The following SMARCC1 variants were observed in gnomAD, a reference collection of about 807,000 sequenced individuals.
The protein encoded by SMARCC1 is SWI/SNF complex subunit SMARCC1.
In SMARCC1, 43 loss-of-function variants were observed where a neutral mutation model predicts 147.4. The observed-to-expected ratio is 0.29, with a 90% CI of 0.23 to 0.38. The LOEUF is 0.38. Among genes scored for constraint, SMARCC1 ranks in the 10% least tolerant of loss-of-function variants. The probability of loss-of-function intolerance (pLI) is 1.00; values close to 1 mark genes in which losing one functional copy is unlikely to be tolerated. For missense variants in SMARCC1, 1,119 were observed against 1,381.1 expected (o/e 0.81, Z 3.01); for synonymous variants, 495 against 484.4 (o/e 1.02, Z -0.29).
At chr3:47,764,999 C>T (rs942391044) in intron 2 of SMARCC1, among the ~76,000 whole-genome samples, 1 of 152,196 alleles carries the variant, frequency 6.6e-6, no homozygotes, top group African/African-American at 2.4e-5. Context: ...CGCCTGTAAT[C>T]CCAGCACTTT....
At chr3:47,749,482 G>A (rs976581628) in intron 2 of SMARCC1, among the ~76,000 whole-genome samples, 1 of 151,606 alleles carries the variant, frequency 6.6e-6, no homozygotes, top group Non-Finnish European at 1.5e-5. Flanking sequence ...GCAACATAGC[G>A]AAACCTCATC....
intron 16 of SMARCC1, among the ~76,000 whole-genome samples, chr3:47,677,444 C>T (rs1386630838): frequency 6.7e-6 from 1 of 149,230 alleles, no homozygotes. Flanking sequence ...GGGCGCAGAG[C>T]TTATCCACTC....
At chr3:47,617,172 C>G (rs1044484221) in intron 25 of SMARCC1, among the ~76,000 whole-genome samples, 1 of 152,170 alleles carries the variant, frequency 6.6e-6, no homozygotes, top group African/African-American at 2.4e-5. Context: ...GCTGAACAAA[C>G]AGGTTTGAGA....
At chr3:47,671,173 C>CAAAAAAAAA (rs775759680) in intron 18 of SMARCC1, among the ~76,000 whole-genome samples, 17 of 29,234 alleles carry the variant, frequency 5.8e-4, no homozygotes, top group African/African-American at 1.3e-3. Flanking sequence ...GAGACTATCT[C>CAAAAAAAAA]AAAAAAAAAA....
intron 22 of SMARCC1, among the ~76,000 whole-genome samples, chr3:47,637,437 C>A (rs1478784997): frequency 1.3e-5 from 2 of 152,126 alleles, no homozygotes; most frequent in South Asian, 2.1e-4. Context: ...AGAGGCTGGG[C>A]GTGGTGGCTC....
intron 24 of SMARCC1, among the ~76,000 whole-genome samples, chr3:47,626,619 T>C (rs1283478379): frequency 6.6e-6 from 1 of 152,208 alleles, no homozygotes; most frequent in Non-Finnish European, 1.5e-5. Flanking sequence ...GAGTGGATAC[T>C]TTCCTGGGTA....
At chr3:47,702,703 A>T (rs1036664645) in intron 10 of SMARCC1, among the ~76,000 whole-genome samples, 11 of 152,190 alleles carry the variant, frequency 7.2e-5, no homozygotes. Context: ...AGCTCAAGTG[A>T]TCCTCCTGCC....
intron 25 of SMARCC1, 50 bp downstream of exon 25, chr3:47,622,157 T>C: frequency 1.9e-6 from 3 of 1,538,776 alleles, no homozygotes; most frequent in Non-Finnish European, 2.7e-6. Flanking sequence ...TTGTGAAAAG[T>C]GACCAAGGTT....
intron 2 of SMARCC1, among the ~76,000 whole-genome samples, chr3:47,771,847 C>T (rs925527771): frequency 5.3e-5 from 8 of 151,768 alleles, no homozygotes; most frequent in Non-Finnish European, 1.2e-4. Flanking sequence ...TTTGGGAGGC[C>T]GAGGTGGGTG....
intron 6 of SMARCC1, among the ~76,000 whole-genome samples, chr3:47,724,161 AAAAT>A (rs2034270202): frequency 6.6e-6 from 1 of 152,232 alleles, no homozygotes; most frequent in Admixed American, 6.5e-5. Flanking sequence ...GTATATGCCC[AAAAT>A]AAAGTAGGAT....
intron 21 of SMARCC1, 34 bp from the exon 22 acceptor site, chr3:47,638,814 T>A: frequency 6.7e-7 from 1 of 1,494,516 alleles, no homozygotes; most frequent in South Asian, 1.1e-5. Context: ...AGTACTCCAA[T>A]GTGGAAAAAG....
Position 47,633,761 on chromosome 3 carries a change from A to AT in SMARCC1, c.2646+1428_2646+1429insA, listed in dbSNP as rs1303845108. On this transcript the variant is annotated intron_variant, in intron 24 of 27. Coordinates refer to ENST00000254480, the MANE Select transcript of SMARCC1 (RefSeq NM_003074.4). ...TGTCTCAAAAAAAAAAAAAAAAAAA[A>AT]AAATATATATATATATATACACACA... Among the ~76,000 whole-genome samples, 16 of 31,526 alleles carry AT rather than the reference A, an allele frequency of 5.1e-4. 1 individual carries two copies. The highest frequency in any genetic ancestry group is 2.1e-3 in the East Asian group (1 of 472). The allele number at this position is 31,526 out of a possible 152,430, so 20.7% of individuals were successfully genotyped here.
chr3:47,590,566 G>T, intron 27 of SMARCC1, 95 bp downstream of exon 27: 5 of 1,124,700 alleles, frequency 4.4e-6, no homozygotes, highest in Non-Finnish European at 6.0e-6. Flanking sequence ...CCATGGACCT[G>T]CCAAATCTCG....
intron 2 of SMARCC1, among the ~76,000 whole-genome samples, chr3:47,770,667 A>G (rs2034902064): frequency 6.6e-6 from 1 of 152,142 alleles, no homozygotes; most frequent in Non-Finnish European, 1.5e-5. Flanking sequence ...CCCCGTCTCT[A>G]TCTTTATAAA....
intron 26 of SMARCC1, among the ~76,000 whole-genome samples, chr3:47,609,199 A>C (rs1248178270): frequency 6.6e-6 from 1 of 152,166 alleles, no homozygotes; most frequent in Non-Finnish European, 1.5e-5. Context: ...ATAGTTATGT[A>C]AAGAATAAGA....
chr3:47,670,547 G>A (rs2033480969), intron 19 of SMARCC1, 111 bp downstream of exon 19: 2 of 745,688 alleles, frequency 2.7e-6, no homozygotes, highest in Non-Finnish European at 4.9e-6. Flanking sequence ...TCAGGCCACT[G>A]CACTCCAGCC....
intron 10 of SMARCC1, among the ~76,000 whole-genome samples, chr3:47,703,075 G>A (rs998171698): frequency 2.0e-5 from 3 of 151,984 alleles, no homozygotes; most frequent in Non-Finnish European, 2.9e-5. Context: ...TTACAAGGGC[G>A]CTCAATCACG....
intron 21 of SMARCC1, among the ~76,000 whole-genome samples, chr3:47,651,719 C>G (rs1162202459): frequency 1.3e-5 from 2 of 152,226 alleles, no homozygotes; most frequent in Non-Finnish European, 2.9e-5. Context: ...AGCCAACATA[C>G]TCTTCATATA....
intron 24 of SMARCC1, among the ~76,000 whole-genome samples, chr3:47,631,468 C>A (rs1347321154): frequency 1.3e-5 from 2 of 152,160 alleles, no homozygotes; most frequent in Non-Finnish European, 2.9e-5. Flanking sequence ...GGCAATAGTT[C>A]TGGGCCTTCC....
Sources: allele counts gnomAD v4.1 joint callset (sites outside exome capture counted in the v4.1 genomes callset), GRCh38; gene constraint gnomAD v4.1.1; transcripts MANE v1.5; gene names NCBI Gene and HGNC (gene_info 2026-07-23, HGNC 2026-07-21).